The following LRRC37B variants were observed in gnomAD, a reference collection of about 807,000 sequenced individuals.
LRRC37B encodes the protein leucine-rich repeat-containing protein 37B.
Under a neutral mutation model 98.3 loss-of-function variants are expected in LRRC37B, and 28 were observed. The ratio of observed to expected loss-of-function variants is 0.28; its 90% CI spans 0.21 to 0.39. The LOEUF (loss-of-function observed/expected upper bound fraction) is 0.39, where lower values mean the gene tolerates loss of function less well. Among genes scored for constraint, LRRC37B ranks in the 10% least tolerant of loss-of-function variants. LRRC37B has a pLI of 1.00. For synonymous variants in LRRC37B, 364 were observed against 442.7 expected (o/e 0.82, Z 2.23); for missense variants, 938 against 1,182.7 (o/e 0.79, Z 3.03).
rs560992501 is a variant in LRRC37B, at chr17:32,045,933, A to C, written c.2323+115A>C. On this transcript the variant is annotated intron_variant, in intron 8 of 11. Transcript: ENST00000327564. Reference sequence around the variant, plus strand: ...GATGATATAATTGTTTTATTTACTCAGTCAGATTTCAACTCCCTCAACTTC... The same window carrying C: ...GATGATATAATTGTTTTATTTACTCCGTCAGATTTCAACTCCCTCAACTTC... 33 of 1,183,526 alleles carry C rather than the reference A, an allele frequency of 2.8e-5. No individual in the cohort carries two copies. The African/African-American group carries it at 4.5e-4, about 16-fold the overall frequency. The allele number at this position is 1,183,526 out of a possible 1,614,324, so 73.3% of individuals were successfully genotyped here.
At chr17:32,012,313 G>A (rs141562602) in intron 1 of LRRC37B, among the ~76,000 whole-genome samples, 2 of 152,282 alleles carry the variant, frequency 1.3e-5, no homozygotes, top group East Asian at 3.9e-4. Flanking sequence ...TGTATTTTGA[G>A]GCCCTGTTGT....
chr17:32,053,340 A>G (rs760168856), exon 12 of LRRC37B: 2 of 1,596,194 alleles, frequency 1.3e-6, no homozygotes, highest in African/African-American at 1.3e-5. Flanking sequence ...CATGAGTTAA[A>G]GCATGTGGAT....
chr17:32,053,453 T>C (rs1911813467), exon 12 of LRRC37B: 1 of 654,598 alleles, frequency 1.5e-6, no homozygotes, highest in Non-Finnish European at 2.6e-6. Flanking sequence ...AAATGAGAAT[T>C]TTTAACAATA....
At chr17:32,032,160 G>A (rs1156527123) in intron 5 of LRRC37B, among the ~76,000 whole-genome samples, 1 of 151,530 alleles carries the variant, frequency 6.6e-6, no homozygotes, top group Admixed American at 6.6e-5. Context: ...CCCAGCTATC[G>A]GGAGGCTGAG....
chr17:32,007,562 G>T (rs1910435969), upstream of LRRC37B, among the ~76,000 whole-genome samples: 1 of 151,496 alleles, frequency 6.6e-6, no homozygotes, highest in African/African-American at 2.4e-5. This position sits in a 1 kb window ranked among gnomAD's most constrained non-coding sequence, Gnocchi z 4.1. Flanking sequence ...ACTGCGCCCG[G>T]CCCTCCCCGT....
upstream of LRRC37B, among the ~76,000 whole-genome samples, chr17:32,018,518 A>T (rs1910694324): frequency 6.6e-6 from 1 of 152,106 alleles, no homozygotes; most frequent in Non-Finnish European, 1.5e-5. Flanking sequence ...CTGACCCCTT[A>T]TTTGAAGTTT....
At chr17:32,020,543 C>T (rs28470794), upstream of LRRC37B, among the ~76,000 whole-genome samples, 1,897 of 152,260 alleles carry the variant, frequency 0.012, 38 homozygotes, top group African/African-American at 0.04. Flanking sequence ...TACAGAAAAT[C>T]TGGAGTCCTC....
At chr17:32,040,785 A>T (rs192091251) in intron 7 of LRRC37B, 13 of 835,530 alleles carry the variant, frequency 1.6e-5, no homozygotes, top group Admixed American at 1.4e-4. Context: ...CGGCGAGTCC[A>T]TGAAGCACCT....
chr17:32,046,209 G>T (rs1376539116), intron 8 of LRRC37B, among the ~76,000 whole-genome samples: 4 of 152,232 alleles, frequency 2.6e-5, no homozygotes, highest in South Asian at 2.1e-4. Context: ...TGCCTTTTAG[G>T]ACAGATGTAG....
At position 32,022,214 on chromosome 17, in the gene LRRC37B, TAA is replaced by T. The variant is rs1441513228; in HGVS notation, c.1153_1154del (p.Asn385Ter). The T allele has an allele frequency of 6.2e-7, 1 of 1,612,956 alleles. No individual in the cohort carries two copies. ...TGGAGGTTACCATGACTTCAGAGCC[TAA>T]AAATGAGACAGAATCTACCCAAGCC... On this transcript the variant is annotated frameshift_variant, in exon 1 of 12. Coordinates refer to ENST00000327564, the Ensembl canonical transcript of LRRC37B. LOFTEE classifies it high-confidence loss of function.
At chr17:32,007,979 G>A, upstream of LRRC37B, 1 of 510,732 alleles carries the variant, frequency 2.0e-6, no homozygotes, top group Non-Finnish European at 3.4e-6. The surrounding 1 kb of genome is among the most constrained non-coding windows in gnomAD (Gnocchi z 4.1). Flanking sequence ...GTAAGAGGAG[G>A]GGGGCGGCGA....
chr17:32,033,154 G>T (rs536222032), intron 5 of LRRC37B, among the ~76,000 whole-genome samples: 1 of 152,084 alleles, frequency 6.6e-6, no homozygotes, highest in Non-Finnish European at 1.5e-5. Flanking sequence ...ACAGAGCAAG[G>T]CTCCAACAGA....
chr17:32,021,480 G>C (rs1910778470), exon 1 of LRRC37B: 11 of 1,614,068 alleles, frequency 6.8e-6, no homozygotes, highest in Non-Finnish European at 9.3e-6. Context: ...CCTGGGGCCA[G>C]AGCCGTTCTT....
intron 11 of LRRC37B, among the ~76,000 whole-genome samples, chr17:32,050,788 A>G (rs534299979): frequency 6.6e-6 from 1 of 152,194 alleles, no homozygotes; most frequent in African/African-American, 2.4e-5. Flanking sequence ...GAGATGCTCA[A>G]CCTGCATCAA....
intron 6 of LRRC37B, among the ~76,000 whole-genome samples, 175 bp from the exon 10 acceptor site, chr17:32,035,390 C>A (rs769780378): frequency 6.6e-6 from 1 of 151,936 alleles, no homozygotes; most frequent in Non-Finnish European, 1.5e-5. Context: ...TGACGTAGAT[C>A]AACTTAAATT....
chr17:32,039,790 G>T (rs1001798419), intron 7 of LRRC37B, among the ~76,000 whole-genome samples: 2 of 151,114 alleles, frequency 1.3e-5, no homozygotes, highest in African/African-American at 4.9e-5. Flanking sequence ...ACTCTGCTCC[G>T]TTCATTTTTG....
At chr17:32,039,526 A>ATC (rs1911358802) in intron 7 of LRRC37B, among the ~76,000 whole-genome samples, 1 of 81,286 alleles carries the variant, frequency 1.2e-5, no homozygotes, top group African/African-American at 4.7e-5. Flanking sequence ...ATATATATGT[A>ATC]TGTATTTTTA....
intron 7 of LRRC37B, among the ~76,000 whole-genome samples, chr17:32,038,771 G>C (rs1911322457): frequency 6.6e-6 from 1 of 151,708 alleles, no homozygotes; most frequent in Admixed American, 6.6e-5. Context: ...GGCACAAGAA[G>C]TGCTTGAACC....
At position 32,041,664 on chromosome 17, in the gene LRRC37B, C is replaced by T. The variant is rs1271023076; in HGVS notation, c.2205-4036C>T. On this transcript the variant is annotated intron_variant, in intron 7 of 11. Coordinates refer to ENST00000327564, the Ensembl canonical transcript of LRRC37B. ...CACCCAGGCCCGGGCCCTTGAGGTACTCCCTCAGCAGGGAGCCACACTTGG... is the reference window on the plus strand; with the variant it reads ...CACCCAGGCCCGGGCCCTTGAGGTATTCCCTCAGCAGGGAGCCACACTTGG... 8 of 459,544 alleles carry T rather than the reference C, an allele frequency of 1.7e-5. No individual in the cohort carries two copies. The East Asian group carries it at 4.6e-4, about 27-fold the overall frequency. The allele number at this position is 459,544 out of a possible 1,614,324, so 28.5% of individuals were successfully genotyped here. A position where few individuals can be genotyped will look rare whatever the true frequency, so the allele number is the denominator to read the frequency against.
Sources: allele counts gnomAD v4.1 joint callset (sites outside exome capture counted in the v4.1 genomes callset), GRCh38; gene constraint gnomAD v4.1.1; non-coding constraint Gnocchi (gnomAD v3.1); transcripts MANE v1.5; gene names NCBI Gene and HGNC (gene_info 2026-07-23, HGNC 2026-07-21).